The following CYP2C19 variants were observed in gnomAD, a reference collection of about 807,000 sequenced individuals.
CYP2C19 encodes the protein cytochrome P450 family 2 subfamily C member 19.
Under a neutral mutation model 40.9 loss-of-function variants are expected in CYP2C19, and 59 were observed. The ratio of observed to expected loss-of-function variants is 1.44; its 90% CI spans 1.17 to 1.79. The LOEUF is 1.79. Among genes scored for constraint, CYP2C19 ranks in the 40% most tolerant of loss-of-function variants. The pLI is 0.00. For synonymous variants in CYP2C19, 253 were observed against 208.7 expected, an observed-to-expected ratio of 1.21 and a Z score of -1.83; for missense variants, 754 against 596.9, an observed-to-expected ratio of 1.26 and a Z score of -2.74.
intron 5 of CYP2C19, among the ~76,000 whole-genome samples, chr10:94,787,717 C>T (rs983381397): frequency 6.8e-4 from 104 of 152,186 alleles, no homozygotes; most frequent in African/African-American, 2.4e-3. Flanking sequence ...GTATGGCTAG[C>T]CAGTTATCCT....
At chr10:94,816,470 G>A (rs1849004262) in intron 5 of CYP2C19, among the ~76,000 whole-genome samples, 1 of 151,856 alleles carries the variant, frequency 6.6e-6, no homozygotes, top group South Asian at 2.1e-4. Flanking sequence ...CAAACAGCAG[G>A]CTATTTATAA....
chr10:94,800,832 G>A (rs1189449965), intron 5 of CYP2C19, among the ~76,000 whole-genome samples: 2 of 152,328 alleles, frequency 1.3e-5, no homozygotes, highest in South Asian at 2.1e-4. Context: ...AGCCAGGCAC[G>A]GGAGAGAATC....
rs564215275 is a variant in CYP2C19, at chr10:94,788,075, C to A, written c.819+6078C>A. On this transcript the variant is annotated intron_variant, in intron 5 of 8. Transcript: ENST00000371321. Reference sequence around the variant, plus strand: ...TGTTTTGTAGCTCTCCTTGTAGAGACCGTTTGCCCCTTTGTTAGCTGTATT... The same window carrying A: ...TGTTTTGTAGCTCTCCTTGTAGAGAACGTTTGCCCCTTTGTTAGCTGTATT... Among the ~76,000 whole-genome samples, 5 of 151,784 alleles carry A rather than the reference C, an allele frequency of 3.3e-5. No individual in the cohort carries two copies. In the South Asian group the frequency reaches 1.0e-3, roughly 32 times the overall value.
At position 94,788,279 on chromosome 10, in the gene CYP2C19, G is replaced by T. The variant is rs77680777; in HGVS notation, c.819+6282G>T. 8.4e-3 allele frequency among the ~76,000 whole-genome samples: 1,275 copies of T among 152,134 alleles called. 22 individuals are homozygous for T. Among genetic ancestry groups the T allele is most frequent in the East Asian group, 0.062 (319 of 5,172 alleles). ...TATCACTTCCAGGAGCTTTTTGGAA[G>T]GTTCTTTAGGGTTTTCTAGGCCTGA... On this transcript the variant is annotated intron_variant, in intron 5 of 8. Transcript: ENST00000371321.
chr10:94,837,659 A>G (rs1238931975), intron 6 of CYP2C19, among the ~76,000 whole-genome samples: 1 of 152,088 alleles, frequency 6.6e-6, no homozygotes, highest in East Asian at 1.9e-4. Context: ...GATCTGGAGG[A>G]CAGTTGTCCG....
chr10:94,774,832 TTGTAATCTGTGTAGC>T lies in CYP2C19; in HGVS notation c.169-225_169-211del, dbSNP rs1848384018. The T allele has an allele frequency of 1.6e-5, 9 of 554,156 alleles. No individual in the cohort carries two copies. The African/African-American group carries it at 1.7e-4, about 10-fold the overall frequency. 34.3% of individuals were successfully genotyped at this position (554,156 alleles called of 1,614,324 possible). A position where few individuals can be genotyped will look rare whatever the true frequency, so the allele number is the denominator to read the frequency against. ...CTGAATATGTTGGTGTGAGGGTTAA[TTGTAATCTGTGTAGC>T]AATTGTCTGACCATTGCCTTGAACA... On this transcript the variant is annotated intron_variant, in intron 1 of 8. Coordinates refer to ENST00000371321, the MANE Select transcript of CYP2C19 (RefSeq NM_000769.4).
At chr10:94,798,338 G>A (rs1026353908) in intron 5 of CYP2C19, among the ~76,000 whole-genome samples, 1 of 152,110 alleles carries the variant, frequency 6.6e-6, no homozygotes, top group Non-Finnish European at 1.5e-5. Context: ...TAATTTGATT[G>A]CACTGTGGTC....
rs531509365 is a variant in CYP2C19, at chr10:94,769,628, G to A, written c.169-5430G>A. ...TTTGTACTCCTAGAATTGGGGTGTCGCAGGGACTGCTGCATTTCCTTACTG... is the reference window on the plus strand; with the variant it reads ...TTTGTACTCCTAGAATTGGGGTGTCACAGGGACTGCTGCATTTCCTTACTG... On this transcript the variant is annotated intron_variant, in intron 1 of 8. Transcript: ENST00000371321. Among the ~76,000 whole-genome samples, 33 of 152,272 alleles carry A rather than the reference G, an allele frequency of 2.2e-4. No homozygotes were observed. The South Asian group carries it at 2.5e-3, about 11-fold the overall frequency.
intron 6 of CYP2C19, among the ~76,000 whole-genome samples, chr10:94,833,309 G>T (rs1333843814): frequency 6.6e-6 from 1 of 152,076 alleles, no homozygotes; most frequent in South Asian, 2.1e-4. Flanking sequence ...AATAACAATG[G>T]CAATAGTGGA....
chr10:94,778,298 C>A (rs997455283), intron 3 of CYP2C19, among the ~76,000 whole-genome samples: 1 of 152,150 alleles, frequency 6.6e-6, no homozygotes, highest in Non-Finnish European at 1.5e-5. Context: ...ACATACTCCT[C>A]GTCCTCTCCC....
intron 5 of CYP2C19, among the ~76,000 whole-genome samples, chr10:94,788,959 CACAA>C (rs771340087): frequency 1.3e-5 from 2 of 152,122 alleles, no homozygotes; most frequent in Non-Finnish European, 1.5e-5. Context: ...TTTACATTCC[CACAA>C]ACAGTGTAAA....
intron 5 of CYP2C19, among the ~76,000 whole-genome samples, chr10:94,794,429 T>C (rs192863046): frequency 1.3e-5 from 2 of 152,294 alleles, no homozygotes; most frequent in East Asian, 3.9e-4. Flanking sequence ...ACCCATCTTC[T>C]ACATTGCTCA....
At chr10:94,780,421 ATTATTATCTGT>A in intron 3 of CYP2C19, 67 bp from the exon 4 acceptor site, 4 of 1,558,560 alleles carry the variant, frequency 2.6e-6, no homozygotes, top group Non-Finnish European at 3.5e-6. Flanking sequence ...TTTCTAAACT[ATTATTATCTGT>A]TAACAAATAT....
At chr10:94,784,185 A>G (rs1253934239) in intron 5 of CYP2C19, among the ~76,000 whole-genome samples, 1 of 152,174 alleles carries the variant, frequency 6.6e-6, no homozygotes, top group African/African-American at 2.4e-5. Context: ...CCTTACACTT[A>G]CAATGTTTTG....
chr10:94,854,101 C>T lies in CYP2C19; in HGVS notation c.*1187C>T, dbSNP rs540617161. Among the ~76,000 whole-genome samples the T allele has an allele frequency of 7.0e-6, 1 of 142,252 alleles. No homozygotes were observed. The highest frequency in any genetic ancestry group is 1.9e-4 in the East Asian group (1 of 5,132). The allele number at this position is 142,252 out of a possible 152,430, so 93.3% of individuals were successfully genotyped here. A position where few individuals can be genotyped will look rare whatever the true frequency, so the allele number is the denominator to read the frequency against. On this transcript the variant is annotated 3_prime_UTR_variant, in exon 9 of 9. Coordinates refer to ENST00000371321, the MANE Select transcript of CYP2C19 (RefSeq NM_000769.4). ...TGGTGCGATCTCGGCTCACTGCAATCTCCACCTCCTGGATTCAAGTGGTTC... is the reference window on the plus strand; with the variant it reads ...TGGTGCGATCTCGGCTCACTGCAATTTCCACCTCCTGGATTCAAGTGGTTC...
chr10:94,765,040 C>T (rs1848221421), intron 1 of CYP2C19, among the ~76,000 whole-genome samples: 1 of 152,094 alleles, frequency 6.6e-6, no homozygotes, highest in African/African-American at 2.4e-5. Context: ...AGGTCTAGTC[C>T]TCAGTGGTTT....
At position 94,852,793 on chromosome 10, in the gene CYP2C19, T is replaced by C. The variant is rs369665827; in HGVS notation, c.1352T>C (p.Phe451Ser). The part of the protein sequence containing the change: ...ARMELFLFLT[F>S]ILQNFNLKSL... ...ATGGAGCTGTTTTTATTCCTGACCT[T>C]CATTTTACAGAACTTTAACCTGAAA... is the stretch of plus-strand genomic sequence containing the variant. Residue 451 changes from phenylalanine to serine, a missense_variant, in exon 9 of 9, where the codon TTC becomes TCC. Physicochemically the swap from Phe to Ser is radical, Grantham distance 155. Transcript: ENST00000371321. The C allele has an allele frequency of 1.2e-5, 20 of 1,613,976 alleles. No homozygotes were observed. Among genetic ancestry groups the C allele is most frequent in the Non-Finnish European group, 1.7e-5 (20 of 1,179,976 alleles).
At chr10:94,841,180 C>A (rs1849489791) in intron 6 of CYP2C19, among the ~76,000 whole-genome samples, 1 of 152,188 alleles carries the variant, frequency 6.6e-6, no homozygotes. Context: ...TGTTATAGCT[C>A]TACTAAAAGC....
At chr10:94,797,162 T>G (rs1355212466) in intron 5 of CYP2C19, among the ~76,000 whole-genome samples, 2 of 152,042 alleles carry the variant, frequency 1.3e-5, no homozygotes, top group East Asian at 3.9e-4. Context: ...TTTAGATACG[T>G]CCCATCAATA....
Sources: allele counts gnomAD v4.1 joint callset (sites outside exome capture counted in the v4.1 genomes callset), GRCh38; gene constraint gnomAD v4.1.1; transcripts MANE v1.5; gene names NCBI Gene and HGNC (gene_info 2026-07-23, HGNC 2026-07-21).